Variants in ZNF503 observed in about 807,000 individuals in gnomAD.
ZNF503 encodes the protein zinc finger protein 503.
ZNF503 carries 15 observed loss-of-function variants against 34.4 expected under a neutral mutation model. The observed-to-expected ratio is 0.44, with a 90% CI of 0.29 to 0.67. The LOEUF (loss-of-function observed/expected upper bound fraction) is 0.67. ZNF503 is among the 30% of genes least tolerant of loss of function. ZNF503 has a pLI of 0.13. For synonymous variants in ZNF503, 580 were observed against 456.8 expected (o/e 1.27, Z -3.44); for missense variants, 1,007 against 926.8 (o/e 1.09, Z -1.12).
chr10:75,401,898 C>T (rs910146254), upstream of ZNF503: 7 of 189,602 alleles, frequency 3.7e-5, no homozygotes, highest in Non-Finnish European at 6.3e-5. Flanking sequence ...CCGCCGCCGC[C>T]GCTGCCAGGA....
chr10:75,332,631 AGT>A, the ZNF503 span, among the ~76,000 whole-genome samples: 1 of 145,700 alleles, frequency 6.9e-6, no homozygotes, highest in Non-Finnish European at 1.5e-5. Context: ...GGCCTTCCGC[AGT>A]GTTTGTGTCC....
At chr10:75,307,663 C>T in the ZNF503 span, among the ~76,000 whole-genome samples, 1 of 152,210 alleles carries the variant, frequency 6.6e-6, no homozygotes, top group Admixed American at 6.5e-5. Context: ...GAGAAGTCAA[C>T]GTCTGGCTTC....
the ZNF503 span, among the ~76,000 whole-genome samples, chr10:75,389,067 GA>G: frequency 4.6e-5 from 7 of 152,184 alleles, no homozygotes; most frequent in African/African-American, 1.4e-4. Flanking sequence ...GGAGCGTGTA[GA>G]ATTCCCACAC....
the ZNF503 span, among the ~76,000 whole-genome samples, chr10:75,334,914 T>C: frequency 6.6e-6 from 1 of 152,220 alleles, no homozygotes; most frequent in African/African-American, 2.4e-5. Context: ...TTCATGATCT[T>C]TGTCTTCATT....
the ZNF503 span, among the ~76,000 whole-genome samples, chr10:75,300,940 A>C: frequency 2.0e-5 from 3 of 151,928 alleles, no homozygotes; most frequent in Non-Finnish European, 4.4e-5. Context: ...TCCTGACCTC[A>C]TGATCCACCC....
chr10:75,303,520 C>A, the ZNF503 span, among the ~76,000 whole-genome samples: 1 of 152,254 alleles, frequency 6.6e-6, no homozygotes, highest in Non-Finnish European at 1.5e-5. Flanking sequence ...CCTGTCCAGG[C>A]TGAACTGCTC....
Position 75,399,013 on chromosome 10 carries a change from C to T in ZNF503, c.1677G>A (p.Ser559=). The change falls in exon 2 of 2, where the codon TCG becomes TCA. Residue 559 remains serine, a synonymous_variant. Transcript: ENST00000372524. ...DKLLSGYPSS[S]SLASAAAAAM... ...CGGCCGCGGCAGCGCTGGCCAGAGA[C>T]GACGAGCTGGGGTAGCCCGACAGCA... is the stretch of plus-strand genomic sequence containing the variant. The T allele has an allele frequency of 1.2e-6, 2 of 1,609,396 alleles. No homozygotes were observed. The highest frequency in any genetic ancestry group is 2.2e-5 in the East Asian group (1 of 44,840).
rs761853069 is a variant in ZNF503 at position 75,401,307 on chromosome 10, C to T, written c.113G>A (p.Gly38Glu). 3.2e-6 allele frequency: 5 copies of T among 1,553,568 alleles called. No homozygotes were observed. Among genetic ancestry groups the T allele is most frequent in the Middle Eastern group, 1.7e-4 (1 of 5,906 alleles). ...GCCTGGGCCGGGGCCGGAGCTATTT[C>T]CAGAGAGCGCGCTGGTCCAGGCAGG... ...ADPAWTSALS[G>E]NSSGPGPGSS... Residue 38 changes from glycine to glutamate, a missense_variant, in exon 1 of 2, where the codon GGA (glycine) becomes GAA (glutamate). By Grantham distance (98) the Gly-to-Glu change is moderately conservative. Coordinates refer to ENST00000372524, the MANE Select transcript of ZNF503 (RefSeq NM_032772.6).
rs1413217686 is a variant in ZNF503, at chr10:75,398,511, T to C, written c.*238A>G. 1 of 393,074 alleles carries C rather than the reference T, an allele frequency of 2.5e-6. No homozygotes were observed. The highest frequency in any genetic ancestry group is 2.1e-5 in the African/African-American group (1 of 48,424). 24.3% of individuals were successfully genotyped at this position (393,074 alleles called of 1,614,324 possible). A position where few individuals can be genotyped will look rare whatever the true frequency, so the allele number is the denominator to read the frequency against. On this transcript the variant is annotated 3_prime_UTR_variant, in exon 2 of 2. Coordinates refer to ENST00000372524, the MANE Select transcript of ZNF503 (RefSeq NM_032772.6). The stretch of plus-strand genomic sequence containing the variant: ...TTTTTTTCTATAAAAAGTCAAATGA[T>C]ATTTTTTCAACTTTTATAAAGTTTG...
chr10:75,330,615 A>C, the ZNF503 span, among the ~76,000 whole-genome samples: 1 of 152,066 alleles, frequency 6.6e-6, no homozygotes, highest in Non-Finnish European at 1.5e-5. Flanking sequence ...TGCTTCCACT[A>C]AGTTTTCTAA....
the ZNF503 span, among the ~76,000 whole-genome samples, chr10:75,385,177 A>G: frequency 7.8e-4 from 119 of 152,276 alleles, no homozygotes; most frequent in African/African-American, 2.7e-3. Flanking sequence ...AAACAGAAAC[A>G]TGGATAGAGG....
chr10:75,400,448 G>A (rs867602215), intron 1 of ZNF503, 74 bp from the exon 2 acceptor site: 7 of 1,486,680 alleles, frequency 4.7e-6, no homozygotes, highest in Non-Finnish European at 5.3e-6. Context: ...CCTGGCTTCT[G>A]GGGTTCAAAT....
At chr10:75,327,420 G>A in the ZNF503 span, among the ~76,000 whole-genome samples, 3 of 152,296 alleles carry the variant, frequency 2.0e-5, no homozygotes, top group Admixed American at 6.5e-5. Flanking sequence ...GTGTTGCCAT[G>A]AAAAACAGGC....
At chr10:75,301,767 C>T in the ZNF503 span, among the ~76,000 whole-genome samples, 1 of 152,202 alleles carries the variant, frequency 6.6e-6, no homozygotes, top group South Asian at 2.1e-4. Context: ...TGCTCCAATA[C>T]ATCTCCTTTT....
chr10:75,401,402 C>G lies in ZNF503; in HGVS notation c.18G>C (p.Ser6=). MSTAP[S]LSALRSSKHS... ...GCTTACTGCTTCTTAGGGCAGAAAG[C>G]GAGGGCGCTGTGCTCATGACCCACC... The change falls in exon 1 of 2, where the codon TCG becomes TCC. Residue 6 remains serine, a synonymous_variant. Transcript: ENST00000372524. 5.2e-6 allele frequency: 8 copies of G among 1,538,726 alleles called. No homozygotes were observed. Among genetic ancestry groups the G allele is most frequent in the Non-Finnish European group, 7.0e-6 (8 of 1,146,418 alleles).
chr10:75,358,461 T>C, the ZNF503 span: 1 of 152,162 alleles, frequency 6.6e-6, no homozygotes, highest in African/African-American at 2.4e-5. Context: ...AGAGCGTGTA[T>C]GTACATACAA....
intron 1 of ZNF503, chr10:75,400,859 G>A: frequency 1.6e-6 from 1 of 638,278 alleles, no homozygotes; most frequent in Non-Finnish European, 2.7e-6. Context: ...CTGGGTCGGG[G>A]TAGGGGCTTT....
chr10:75,327,010 A>G, the ZNF503 span, among the ~76,000 whole-genome samples: 1 of 152,298 alleles, frequency 6.6e-6, no homozygotes, highest in South Asian at 2.1e-4. Flanking sequence ...ATACATGTAT[A>G]CAATGTGTGA....
chr10:75,398,805 G>A lies in ZNF503; in HGVS notation c.1885C>T (p.Pro629Ser). ...VPAATGPYYS[P>S]YALYGQRLTT... Reference sequence around the variant, plus strand: ...AGTCTCTGTCCGTAGAGGGCGTAGGGGGAGTAGTACGGTCCGGTGGCGGCG... The same window carrying A: ...AGTCTCTGTCCGTAGAGGGCGTAGGAGGAGTAGTACGGTCCGGTGGCGGCG... The change falls in exon 2 of 2, where the codon CCC (proline) becomes TCC (serine). Residue 629 changes from proline to serine, a missense_variant. Transcript: ENST00000372524. The A allele has an allele frequency of 7.4e-6, 11 of 1,482,970 alleles. No individual in the cohort carries two copies. Among genetic ancestry groups the A allele is most frequent in the Non-Finnish European group, 9.8e-6 (11 of 1,122,254 alleles). The allele number at this position is 1,482,970 out of a possible 1,614,324, so 91.9% of individuals were successfully genotyped here.
Sources: allele counts gnomAD v4.1 joint callset (sites outside exome capture counted in the v4.1 genomes callset), GRCh38; gene constraint gnomAD v4.1.1; transcripts MANE v1.5; gene names NCBI Gene and HGNC (gene_info 2026-07-23, HGNC 2026-07-21).